LIN9: variants seen among roughly 807,000 people sequenced by gnomAD.
LIN9 encodes lin-9 DREAM MuvB core complex component.
LIN9 carries 18 observed loss-of-function variants against 78.0 expected under a neutral mutation model. That is an observed-to-expected ratio of 0.23 (90% CI 0.16 to 0.34). The LOEUF is 0.34. LIN9 is among the 10% of genes least tolerant of loss of function. The pLI, the probability that LIN9 is intolerant of heterozygous loss-of-function variation, is 1.00. For missense variants in LIN9, 451 were observed against 644.1 expected, an observed-to-expected ratio of 0.70 and a Z score of 3.25; for synonymous variants, 192 against 215.2, an observed-to-expected ratio of 0.89 and a Z score of 0.94.
At chr1:226,298,261 T>G (rs966092690) in intron 2 of LIN9, among the ~76,000 whole-genome samples, 1 of 152,222 alleles carries the variant, frequency 6.6e-6, no homozygotes, top group Non-Finnish European at 1.5e-5. Context: ...CAGGCTGGAG[T>G]GCAGTGGCAC....
rs942739802 is a variant in LIN9 at position 226,295,875 on chromosome 1, A to G, written c.231T>C (p.Pro77=). Residue 77 remains proline, a synonymous_variant, in exon 4 of 15, where the codon CCT becomes CCC. Coordinates refer to ENST00000681046, the MANE Select transcript of LIN9 (RefSeq NM_001366245.2). The part of the protein sequence containing the change: ...EDDRQINTRS[P]KRNQRVAMVP... Reference sequence around the variant, plus strand: ...CCATTGCAACCCTCTGGTTTCTTTTAGGTGACCTTGTATTTATTTGCCTAT... The same window carrying G: ...CCATTGCAACCCTCTGGTTTCTTTTGGGTGACCTTGTATTTATTTGCCTAT... 1.2e-6 allele frequency: 2 copies of G among 1,612,948 alleles called. No individual in the cohort carries two copies. The highest frequency in any genetic ancestry group is 1.7e-5 in the Admixed American group (1 of 59,750).
intron 4 of LIN9, among the ~76,000 whole-genome samples, chr1:226,294,311 T>G (rs1039775016): frequency 2.0e-5 from 3 of 148,836 alleles, no homozygotes; most frequent in African/African-American, 5.0e-5. Context: ...CTGGGCGCAG[T>G]GGCTCACGCC....
intron 11 of LIN9, among the ~76,000 whole-genome samples, chr1:226,239,988 T>C (rs1658001214): frequency 1.3e-5 from 2 of 152,176 alleles, no homozygotes; most frequent in South Asian, 2.1e-4. Context: ...CTAGTAAGTA[T>C]AGGTAGGGAA....
rs201055360 is a variant in LIN9 at position 226,295,853 on chromosome 1, T to C, written c.253A>G (p.Met85Val). The change falls in exon 4 of 15, where the codon ATG (methionine) becomes GTG (valine). Residue 85 changes from methionine (M) to valine (V), a missense_variant. Transcript: ENST00000681046. ...RSPKRNQRVA[M>V]VPQKFTATMS... ...TAGCACACACATACCTGTGGAACCA[T>C]TGCAACCCTCTGGTTTCTTTTAGGT... 270 of 1,610,090 alleles carry C rather than the reference T, an allele frequency of 1.7e-4. No homozygotes were observed. The Middle Eastern group carries it at 2.0e-3, about 12-fold the overall frequency.
intron 4 of LIN9, among the ~76,000 whole-genome samples, chr1:226,294,426 C>G (rs1661996652): frequency 1.3e-5 from 2 of 151,584 alleles, no homozygotes; most frequent in Admixed American, 6.6e-5. Context: ...ACTAAAAATA[C>G]AAAATTAGCC....
At chr1:226,309,557 G>A, upstream of LIN9, 1 of 1,179,344 alleles carries the variant, frequency 8.5e-7, no homozygotes, top group Non-Finnish European at 1.1e-6. Context: ...AGGCCCCGGC[G>A]GGGGGAAAGA....
chr1:226,309,667 A>G, upstream of LIN9: 1 of 1,283,012 alleles, frequency 7.8e-7, no homozygotes, highest in Non-Finnish European at 1.0e-6. Flanking sequence ...CCGTCCCCTC[A>G]CTTTTCCCGA....
intron 10 of LIN9, among the ~76,000 whole-genome samples, chr1:226,260,806 G>A (rs1290133990): frequency 6.6e-6 from 1 of 151,672 alleles, no homozygotes; most frequent in African/African-American, 2.4e-5. Context: ...CACCACGCCT[G>A]GCTAATTTTT....
At chr1:226,291,041 G>C (rs1017817721) in intron 4 of LIN9, among the ~76,000 whole-genome samples, 1 of 152,210 alleles carries the variant, frequency 6.6e-6, no homozygotes, top group African/African-American at 2.4e-5. Context: ...ACAGGTGTGA[G>C]CCACTGTGCA....
intron 11 of LIN9, among the ~76,000 whole-genome samples, chr1:226,248,014 G>A (rs1212495918): frequency 6.6e-6 from 1 of 152,082 alleles, no homozygotes; most frequent in Non-Finnish European, 1.5e-5. Context: ...CTTCAAGCAG[G>A]TTATTTTAAT....
At chr1:226,309,313 G>T, upstream of LIN9, 1 of 1,021,560 alleles carries the variant, frequency 9.8e-7, no homozygotes, top group Non-Finnish European at 1.2e-6. Context: ...CCTGCCCGGG[G>T]AGGAGGTGCC....
intron 7 of LIN9, among the ~76,000 whole-genome samples, chr1:226,271,193 T>A (rs987630314): frequency 6.6e-6 from 1 of 152,250 alleles, no homozygotes; most frequent in Admixed American, 6.5e-5. Context: ...TTCTCTACTA[T>A]TCAAATTTTC....
At chr1:226,289,819 A>T (rs1661610504) in intron 4 of LIN9, among the ~76,000 whole-genome samples, 1 of 91,648 alleles carries the variant, frequency 1.1e-5, no homozygotes, top group South Asian at 4.7e-4. Flanking sequence ...TTACTAGGAC[A>T]ACTAAGTAGT....
chr1:226,293,104 G>C (rs1446523600), intron 4 of LIN9, among the ~76,000 whole-genome samples: 1 of 152,144 alleles, frequency 6.6e-6, no homozygotes, highest in Non-Finnish European at 1.5e-5. Context: ...GAGAGATTTA[G>C]AAGATATGAC....
At chr1:226,241,024 C>CTA (rs1576277822) in intron 11 of LIN9, among the ~76,000 whole-genome samples, 1 of 152,266 alleles carries the variant, frequency 6.6e-6, no homozygotes, top group East Asian at 1.9e-4. Context: ...TCCTCTGCTA[C>CTA]TATAGATCTG....
chr1:226,272,021 C>CT (rs35313284), intron 7 of LIN9, among the ~76,000 whole-genome samples: 93,954 of 147,260 alleles, frequency 0.64, 30,371 homozygotes, highest in East Asian at 0.71. Flanking sequence ...ATGAGTCTTA[C>CT]TTTTTTTTAA....
chr1:226,309,385 A>G, upstream of LIN9: 1 of 986,964 alleles, frequency 1.0e-6, no homozygotes, highest in African/African-American at 1.8e-5. Flanking sequence ...GGCGGGAGGA[A>G]GGGAGGAAGG....
At chr1:226,295,674 T>C (rs918782889) in intron 4 of LIN9, among the ~76,000 whole-genome samples, 168 bp downstream of exon 4, 1 of 152,106 alleles carries the variant, frequency 6.6e-6, no homozygotes, top group Admixed American at 6.6e-5. Flanking sequence ...TGTTTTAAAG[T>C]TGATCAAAAA....
At chr1:226,300,955 T>C (rs922524991) in intron 2 of LIN9, among the ~76,000 whole-genome samples, 1 of 152,236 alleles carries the variant, frequency 6.6e-6, no homozygotes, top group African/African-American at 2.4e-5. Context: ...TTAGAAAGGT[T>C]TTTAATCAAT....
Sources: allele counts gnomAD v4.1 joint callset (sites outside exome capture counted in the v4.1 genomes callset), GRCh38; gene constraint gnomAD v4.1.1; transcripts MANE v1.5; gene names NCBI Gene and HGNC (gene_info 2026-07-23, HGNC 2026-07-21).